DUS2: variants seen among roughly 807,000 people sequenced by gnomAD.
DUS2 encodes the protein tRNA-dihydrouridine(20) synthase [NAD(P)+]-like.
In DUS2, 52 loss-of-function variants were observed where a neutral mutation model predicts 71.3. The ratio of observed to expected loss-of-function variants is 0.73; its 90% CI spans 0.58 to 0.92. The LOEUF (loss-of-function observed/expected upper bound fraction) is 0.92. Among genes scored for constraint, DUS2 ranks in the 40% least tolerant of loss-of-function variants. The pLI, the probability that DUS2 is intolerant of heterozygous loss-of-function variation, is 0.00. For synonymous variants in DUS2, 204 were observed against 227.8 expected, an observed-to-expected ratio of 0.90 and a Z score of 0.94; for missense variants, 558 against 622.6, an observed-to-expected ratio of 0.90 and a Z score of 1.10.
At chr16:68,034,035 T>A (rs963578596) in intron 2 of DUS2, among the ~76,000 whole-genome samples, 3 of 151,326 alleles carry the variant, frequency 2.0e-5, no homozygotes, top group Admixed American at 2.0e-4. Context: ...CCCAAAGTGT[T>A]GGGATTATAG....
chr16:68,060,801 T>C (rs539442001), intron 7 of DUS2, among the ~76,000 whole-genome samples: 3 of 152,068 alleles, frequency 2.0e-5, no homozygotes, highest in South Asian at 4.2e-4. Context: ...TGAGCCGAGA[T>C]TGCGCCACTG....
At chr16:68,077,760 T>C (rs1368750807) in intron 15 of DUS2, among the ~76,000 whole-genome samples, 1 of 152,146 alleles carries the variant, frequency 6.6e-6, no homozygotes, top group Middle Eastern at 3.2e-3. Context: ...GCCCCTGGGG[T>C]GGAAACCATG....
At chr16:68,070,793 A>G (rs1414661582) in intron 11 of DUS2, 147 bp from the exon 12 acceptor site, 1 of 745,830 alleles carries the variant, frequency 1.3e-6, no homozygotes, top group Non-Finnish European at 2.2e-6. Context: ...ATGGATTCTA[A>G]TATCCACTTT....
At chr16:68,037,415 CTTTTT>C (rs945193739) in intron 2 of DUS2, among the ~76,000 whole-genome samples, 1 of 131,754 alleles carries the variant, frequency 7.6e-6, no homozygotes. Context: ...GAAACTCCAT[CTTTTT>C]TTTTTTTTTT....
At chr16:68,038,600 C>T (rs948600208) in intron 3 of DUS2, among the ~76,000 whole-genome samples, 7 of 151,492 alleles carry the variant, frequency 4.6e-5, no homozygotes, top group South Asian at 2.1e-4. Context: ...CGTAGTGTTA[C>T]GTGCCTGTAG....
chr16:68,036,583 G>A (rs962100936), intron 2 of DUS2, among the ~76,000 whole-genome samples: 1 of 152,060 alleles, frequency 6.6e-6, no homozygotes, highest in Admixed American at 6.6e-5. Context: ...GATTACAAGC[G>A]CGAGCCACAG....
chr16:68,024,850 T>A (rs972811406), intron 1 of DUS2, among the ~76,000 whole-genome samples: 41 of 144,570 alleles, frequency 2.8e-4, no homozygotes, highest in African/African-American at 9.1e-4. Flanking sequence ...TTTTTTTTTT[T>A]ATAGACAGTC....
intron 7 of DUS2, among the ~76,000 whole-genome samples, chr16:68,057,656 G>C (rs1312370764): frequency 1.3e-5 from 2 of 151,952 alleles, no homozygotes; most frequent in Non-Finnish European, 2.9e-5. Context: ...GAGGTGGTCA[G>C]ATCACCTGAG....
At position 68,035,939 on chromosome 16, in the gene DUS2, C is replaced by T. The variant is rs1222704366; in HGVS notation, c.-18-2067C>T. On this transcript the variant is annotated intron_variant, in intron 2 of 16. Coordinates refer to ENST00000565263, the MANE Select transcript of DUS2 (RefSeq NM_017803.5). ...ATATATATATATATATACACACATA[C>T]ATACACATATATATACACACATATG... Among the ~76,000 whole-genome samples the T allele has an allele frequency of 9.2e-5, 12 of 130,664 alleles. No homozygotes were observed. In the South Asian group the frequency reaches 1.2e-3, roughly 13 times the overall value. The allele number at this position is 130,664 out of a possible 152,430, so 85.7% of individuals were successfully genotyped here.
At chr16:68,037,474 A>G (rs1164288778) in intron 2 of DUS2, among the ~76,000 whole-genome samples, 1 of 150,606 alleles carries the variant, frequency 6.6e-6, no homozygotes, top group East Asian at 1.9e-4. Flanking sequence ...CGGGGGTACA[A>G]TGGTGCCATG....
intron 8 of DUS2, among the ~76,000 whole-genome samples, chr16:68,064,686 C>T (rs565389783): frequency 1.3e-5 from 2 of 152,308 alleles, no homozygotes; most frequent in African/African-American, 2.4e-5. Flanking sequence ...CAGGGTGACC[C>T]TAAGACCTCA....
intron 4 of DUS2, among the ~76,000 whole-genome samples, chr16:68,051,559 T>A (rs1470995474): frequency 6.6e-6 from 1 of 151,884 alleles, no homozygotes; most frequent in Non-Finnish European, 1.5e-5. Flanking sequence ...CCCAGCCAAT[T>A]TTTAAATTTT....
chr16:68,029,165 G>A (rs370690032), intron 2 of DUS2, among the ~76,000 whole-genome samples: 14 of 150,646 alleles, frequency 9.3e-5, no homozygotes, highest in African/African-American at 2.7e-4. Context: ...TGATTGTGCC[G>A]CTGCACTCCA....
intron 11 of DUS2, 95 bp from the exon 12 acceptor site, chr16:68,070,845 T>A: frequency 7.3e-7 from 1 of 1,374,852 alleles, no homozygotes; most frequent in Non-Finnish European, 1.0e-6. Context: ...CAAATTCACA[T>A]TGTTAATCAG....
Position 68,079,168 on chromosome 16 carries a change from C to T in DUS2, c.*182C>T, listed in dbSNP as rs1300342744. On this transcript the variant is annotated 3_prime_UTR_variant, in exon 17 of 17. Transcript: ENST00000565263. ...GGCCGCCCAGGGGTGGATCCTGGCCCCTTTGGTGGATCTGAGTGACAGGGT... is the reference window on the plus strand; with the variant it reads ...GGCCGCCCAGGGGTGGATCCTGGCCTCTTTGGTGGATCTGAGTGACAGGGT... 2.0e-6 allele frequency: 1 copy of T among 490,884 alleles called. No individual in the cohort carries two copies. The highest frequency in any genetic ancestry group is 3.2e-5 in the East Asian group (1 of 31,086). 30.4% of individuals were successfully genotyped at this position (490,884 alleles called of 1,614,324 possible).
In DUS2 at chr16:68,078,436, T is replaced by C. The variant is rs773847874; in HGVS notation, c.1171-9T>C. 5 of 1,613,732 alleles carry C rather than the reference T, an allele frequency of 3.1e-6. No homozygotes were observed. The South Asian group carries it at 5.5e-5, about 18-fold the overall frequency. ...TCTGGCCATGTGATTCCTTTTCTCT[T>C]TGTATCAGGTTCAACGCCCTCTAGA... On this transcript the variant is annotated splice_polypyrimidine_tract_variant and intron_variant, in intron 15 of 16. Coordinates refer to ENST00000565263, the MANE Select transcript of DUS2 (RefSeq NM_017803.5).
At position 68,078,548 on chromosome 16, in the gene DUS2, T is replaced by C. The variant is rs1007746483; in HGVS notation, c.1244+30T>C. Reference sequence around the variant, plus strand: ...GTTTCCTTATCATAGGAGAGGAGGCTTGGGGTGGGGCGGAGAGTGGGCATT... The same window carrying C: ...GTTTCCTTATCATAGGAGAGGAGGCCTGGGGTGGGGCGGAGAGTGGGCATT... On this transcript the variant is annotated intron_variant, in intron 16 of 16. Coordinates refer to ENST00000565263, the MANE Select transcript of DUS2 (RefSeq NM_017803.5). The C allele has an allele frequency of 1.9e-6, 3 of 1,608,722 alleles. No individual in the cohort carries two copies. In the African/African-American group the frequency reaches 4.0e-5, roughly 22 times the overall value.
intron 2 of DUS2, among the ~76,000 whole-genome samples, chr16:68,030,042 G>A (rs1330365083): frequency 6.6e-6 from 1 of 151,708 alleles, no homozygotes; most frequent in African/African-American, 2.4e-5. Context: ...CACCATGCCT[G>A]GCCAGAAATT....
intron 15 of DUS2, 83 bp from the exon 16 acceptor site, chr16:68,078,362 T>C: frequency 7.5e-7 from 1 of 1,326,006 alleles, no homozygotes; most frequent in East Asian, 2.3e-5. Flanking sequence ...CACTTCCTTT[T>C]ATCTGCCTTT....
Sources: allele counts gnomAD v4.1 joint callset (sites outside exome capture counted in the v4.1 genomes callset), GRCh38; gene constraint gnomAD v4.1.1; transcripts MANE v1.5; gene names NCBI Gene and HGNC (gene_info 2026-07-23, HGNC 2026-07-21).